Variants in GLP2R observed in about 807,000 individuals in gnomAD.
The protein encoded by GLP2R is glucagon like peptide 2 receptor.
In GLP2R, 59 loss-of-function variants were observed where a neutral mutation model predicts 68.2. The observed-to-expected ratio is 0.87, with a 90% CI of 0.70 to 1.07. GLP2R has a LOEUF of 1.07. GLP2R is among the 50% of genes least tolerant of loss of function. The pLI is 0.00. For missense variants in GLP2R, 548 were observed against 677.4 expected (o/e 0.81, Z 2.12); for synonymous variants, 270 against 265.4 (o/e 1.02, Z -0.17).
Position 9,833,416 on chromosome 17 carries a change from A to G in GLP2R, c.190-391A>G, listed in dbSNP as rs568573141. Among the ~76,000 whole-genome samples the G allele has an allele frequency of 3.5e-4, 54 of 152,314 alleles. No homozygotes were observed. In the South Asian group the frequency reaches 5.2e-3, roughly 15 times the overall value. On this transcript the variant is annotated intron_variant, in intron 1 of 12. Coordinates refer to ENST00000262441, the MANE Select transcript of GLP2R (RefSeq NM_004246.3). Reference sequence around the variant, plus strand: ...TACCTGGGCAATGCAGGCTTCTGCAATCCTCTGGTCCTTCTGTCACATTGT... The same window carrying G: ...TACCTGGGCAATGCAGGCTTCTGCAGTCCTCTGGTCCTTCTGTCACATTGT...
intron 4 of GLP2R, among the ~76,000 whole-genome samples, chr17:9,851,736 G>A (rs2066893248): frequency 6.6e-6 from 1 of 151,484 alleles, no homozygotes; most frequent in Admixed American, 6.6e-5. Flanking sequence ...CTACAAAAAG[G>A]AATGAAGAAC....
intron 9 of GLP2R, among the ~76,000 whole-genome samples, chr17:9,867,850 A>G (rs2067053948): frequency 6.6e-6 from 1 of 152,166 alleles, no homozygotes; most frequent in Admixed American, 6.5e-5. Flanking sequence ...GGCAAAGTTG[A>G]TGCACTGGTA....
chr17:9,872,471 G>C (rs1295921057), intron 10 of GLP2R, among the ~76,000 whole-genome samples: 1 of 152,192 alleles, frequency 6.6e-6, no homozygotes, highest in Non-Finnish European at 1.5e-5. Context: ...CAGCTACTCA[G>C]GAGGCTGAGG....
chr17:9,842,963 T>A (rs2066802010), intron 4 of GLP2R, among the ~76,000 whole-genome samples: 1 of 152,262 alleles, frequency 6.6e-6, no homozygotes, highest in East Asian at 1.9e-4. Context: ...CAAAGAGAGA[T>A]CTTCCAGGGT....
At chr17:9,829,282 T>A (rs1223008189) in intron 1 of GLP2R, among the ~76,000 whole-genome samples, 2 of 152,094 alleles carry the variant, frequency 1.3e-5, no homozygotes, top group African/African-American at 4.8e-5. Flanking sequence ...CTTTTATACA[T>A]GGATGGCAGG....
intron 9 of GLP2R, among the ~76,000 whole-genome samples, chr17:9,870,121 T>C (rs2067079165): frequency 6.6e-6 from 1 of 152,160 alleles, no homozygotes; most frequent in Non-Finnish European, 1.5e-5. Context: ...TAGCGTTCTG[T>C]TTAAGTGAAG....
intron 11 of GLP2R, among the ~76,000 whole-genome samples, chr17:9,885,084 T>A (rs759516355): frequency 6.6e-6 from 1 of 151,966 alleles, no homozygotes; most frequent in African/African-American, 2.4e-5. Flanking sequence ...TGGGAGGATG[T>A]GTTGGTCATC....
chr17:9,833,862 C>G lies in GLP2R; in HGVS notation c.245C>G (p.Ala82Gly), dbSNP rs554809464. 6.2e-7 allele frequency: 1 copy of G among 1,612,734 alleles called. No individual in the cohort carries two copies. Among genetic ancestry groups the G allele is most frequent in the South Asian group, 1.1e-5 (1 of 91,040 alleles). Residue 82 changes from alanine to glycine, a missense_variant, in exon 2 of 13, where the codon GCA (alanine) becomes GGA (glycine). Coordinates refer to ENST00000262441, the MANE Select transcript of GLP2R (RefSeq NM_004246.3). ...CGGAAGTGGGCTCAGTACAAACAGG[C>G]ATGTCTGAGAGACTTACTCAAGGAA... ...TTRKWAQYKQ[A>G]CLRDLLKEPS...
intron 10 of GLP2R, among the ~76,000 whole-genome samples, chr17:9,876,890 C>T (rs2067146360): frequency 6.6e-6 from 1 of 152,282 alleles, no homozygotes; most frequent in Middle Eastern, 3.4e-3. Flanking sequence ...ATGTATTGAT[C>T]ATTTATCGTG....
chr17:9,871,074 A>G (rs924101724), intron 10 of GLP2R, among the ~76,000 whole-genome samples: 3 of 152,164 alleles, frequency 2.0e-5, no homozygotes, highest in African/African-American at 7.2e-5. Flanking sequence ...AACTGTTAAA[A>G]TGCCCCTAAG....
At chr17:9,844,662 CTAAT>C (rs2066819829) in intron 4 of GLP2R, among the ~76,000 whole-genome samples, 1 of 101,854 alleles carries the variant, frequency 9.8e-6, no homozygotes, top group Non-Finnish European at 2.1e-5. Context: ...ATTTTACTAC[CTAAT>C]TCTTTTTTTT....
chr17:9,826,827 T>C (rs1483598751), intron 1 of GLP2R, among the ~76,000 whole-genome samples: 1 of 152,154 alleles, frequency 6.6e-6, no homozygotes, highest in Non-Finnish European at 1.5e-5. Flanking sequence ...GGGCTTATAC[T>C]TCCAGACATT....
At chr17:9,848,509 C>T (rs1404107913) in intron 4 of GLP2R, among the ~76,000 whole-genome samples, 2 of 152,264 alleles carry the variant, frequency 1.3e-5, no homozygotes, top group African/African-American at 2.4e-5. Context: ...CACAAGTGTG[C>T]GGACACAGTA....
chr17:9,874,272 G>T (rs1004531638), intron 10 of GLP2R, among the ~76,000 whole-genome samples: 1 of 152,148 alleles, frequency 6.6e-6, no homozygotes, highest in East Asian at 1.9e-4. Flanking sequence ...TGACTGCTTT[G>T]TGGGGAGAAA....
At position 9,836,039 on chromosome 17, in the gene GLP2R, CAAAAAAAA is replaced by C. The variant is rs10706067; in HGVS notation, c.278-318_278-311del. Among the ~76,000 whole-genome samples, 14 of 87,192 alleles carry C rather than the reference CAAAAAAAA, an allele frequency of 1.6e-4. No homozygotes were observed. In the Admixed American group the frequency reaches 1.7e-3, roughly 10 times the overall value. The allele number at this position is 87,192 out of a possible 152,430, so 57.2% of individuals were successfully genotyped here. A position where few individuals can be genotyped will look rare whatever the true frequency, so the allele number is the denominator to read the frequency against. On this transcript the variant is annotated intron_variant, in intron 2 of 12. Coordinates refer to ENST00000262441, the MANE Select transcript of GLP2R (RefSeq NM_004246.3). ...GGGCAATACAGTGAGACTCCATCTCCAAAAAAAAAAAAAAAAAAAAAGAAAGAAAGAAA... is the reference window on the plus strand; with the variant it reads ...GGGCAATACAGTGAGACTCCATCTCCAAAAAAAAAAAAAGAAAGAAAGAAA...
Position 9,889,966 on chromosome 17 carries a change from C to T in GLP2R, c.*261C>T. On this transcript the variant is annotated 3_prime_UTR_variant, in exon 13 of 13. Coordinates refer to ENST00000262441, the MANE Select transcript of GLP2R (RefSeq NM_004246.3). The stretch of plus-strand genomic sequence containing the variant: ...CCACAATGCCCACCAGACCCTAGGG[C>T]CTGGCTCTAAATTCAAGCCAATGAA... 3.6e-6 allele frequency: 2 copies of T among 559,284 alleles called. No homozygotes were observed. Among genetic ancestry groups the T allele is most frequent in the Middle Eastern group, 5.5e-4 (2 of 3,658 alleles). 34.6% of individuals were successfully genotyped at this position (559,284 alleles called of 1,614,324 possible).
At chr17:9,884,025 C>G (rs2067219787) in intron 11 of GLP2R, among the ~76,000 whole-genome samples, 2 of 151,954 alleles carry the variant, frequency 1.3e-5, no homozygotes, top group Non-Finnish European at 2.9e-5. Context: ...AAAATAATAA[C>G]TATACATTGT....
At chr17:9,862,187 C>T (rs2066993772) in intron 9 of GLP2R, 97 bp downstream of exon 9, 8 of 846,232 alleles carry the variant, frequency 9.5e-6, no homozygotes, top group African/African-American at 3.4e-5. Context: ...TTCTCTGATC[C>T]CTTGAGAGAG....
At chr17:9,878,668 G>A (rs2067162436) in intron 10 of GLP2R, among the ~76,000 whole-genome samples, 2 of 152,156 alleles carry the variant, frequency 1.3e-5, no homozygotes, top group African/African-American at 4.8e-5. Context: ...CCTCCGTCCT[G>A]GTGGCTCCTG....
Sources: allele counts gnomAD v4.1 joint callset (sites outside exome capture counted in the v4.1 genomes callset), GRCh38; gene constraint gnomAD v4.1.1; transcripts MANE v1.5; gene names NCBI Gene and HGNC (gene_info 2026-07-23, HGNC 2026-07-21).